CHD2: variants seen among roughly 807,000 people sequenced by gnomAD.
CHD2 encodes the protein ATP-dependent chromatin remodeler CHD2.
Under a neutral mutation model 243.9 loss-of-function variants are expected in CHD2, and 28 were observed. That is an observed-to-expected ratio of 0.11 (90% CI 0.09 to 0.16). CHD2 has a LOEUF of 0.16. Ranked by LOEUF, CHD2 falls within the 10% of genes least tolerant of loss-of-function variation. The pLI is 1.00. For synonymous variants in CHD2, 775 were observed against 779.0 expected (o/e 0.99, Z 0.09); for missense variants, 1,386 against 2,209.8 (o/e 0.63, Z 7.47).
At chr15:92,981,172 A>G (rs1428378779) in intron 23 of CHD2, among the ~76,000 whole-genome samples, 193 bp from the exon 24 acceptor site, 3 of 152,002 alleles carry the variant, frequency 2.0e-5, no homozygotes, top group Non-Finnish European at 4.4e-5. Flanking sequence ...TCACCTTGTC[A>G]TTTGTATAAA....
intron 25 of CHD2, among the ~76,000 whole-genome samples, chr15:92,984,987 G>A (rs2054023611): frequency 6.6e-6 from 1 of 152,164 alleles, no homozygotes. Flanking sequence ...ATTGAAATAG[G>A]TAGAACAAGT....
At chr15:92,965,633 A>G (rs2053751953) in intron 16 of CHD2, among the ~76,000 whole-genome samples, 1 of 149,046 alleles carries the variant, frequency 6.7e-6, no homozygotes, top group Admixed American at 6.7e-5. Context: ...TTTGGTTCAT[A>G]GCCCACACAG....
At chr15:93,009,043 G>T in intron 34 of CHD2, 102 bp from the exon 35 acceptor site, 1 of 1,266,198 alleles carries the variant, frequency 7.9e-7, no homozygotes, top group Non-Finnish European at 1.1e-6. Context: ...GCAATTATAT[G>T]GCATAGGGGT....
intron 2 of CHD2, chr15:92,902,273 GTAA>G (rs1042913932): frequency 2.5e-6 from 1 of 397,550 alleles, no homozygotes; most frequent in Non-Finnish European, 4.4e-6. Context: ...TAGTGATGAA[GTAA>G]TAAAGCCTCT....
At chr15:93,024,130 G>A (rs1323378897) in intron 38 of CHD2, among the ~76,000 whole-genome samples, 1 of 148,352 alleles carries the variant, frequency 6.7e-6, no homozygotes, top group Non-Finnish European at 1.5e-5. Flanking sequence ...GAGTGAGTTT[G>A]CAAAAGCCAT....
rs2053324517 is a variant in CHD2, at chr15:92,939,597, G to T, written c.571G>T (p.Val191Phe). 2 of 1,613,992 alleles carry T rather than the reference G, an allele frequency of 1.2e-6. No homozygotes were observed. The highest frequency in any genetic ancestry group is 1.1e-5 in the South Asian group (1 of 91,056). The change falls in exon 7 of 39, where the codon GTT (valine) becomes TTT (phenylalanine). Residue 191 changes from valine to phenylalanine, a missense_variant. Val to Phe is a conservative substitution (Grantham distance 50, BLOSUM62 -1). Transcript: ENST00000394196. ...TTTTAGAACAGTGCCCAAACCTCGT[G>T]TTAAAAAGCAGCCGAAGACTCAGCG... ...VPRRTVPKPR[V>F]KKQPKTQRGK...
rs542765917 is a variant in CHD2, at chr15:92,930,133, C to G, written c.443+1042C>G. 3.3e-4 allele frequency among the ~76,000 whole-genome samples: 50 copies of G among 152,250 alleles called. 1 individual carries two copies. Among genetic ancestry groups the G allele is most frequent in the Admixed American group, 2.7e-3 (42 of 15,296 alleles). ...CATCTTAGAAGGCTTTTGTTCTGCCCCAGTCTCCTGGTCTGCTTGGGAGAC... is the reference window on the plus strand; with the variant it reads ...CATCTTAGAAGGCTTTTGTTCTGCCGCAGTCTCCTGGTCTGCTTGGGAGAC... On this transcript the variant is annotated intron_variant, in intron 5 of 38. Transcript: ENST00000394196.
intron 38 of CHD2, 134 bp from the exon 39 acceptor site, chr15:93,024,237 AT>A: frequency 1.8e-5 from 14 of 761,098 alleles, no homozygotes; most frequent in Non-Finnish European, 2.1e-5. Context: ...TCTGTTATTA[AT>A]TTTTTTGATT....
intron 28 of CHD2, among the ~76,000 whole-genome samples, chr15:92,994,576 C>A (rs1222924049): frequency 1.3e-5 from 2 of 152,182 alleles, no homozygotes; most frequent in South Asian, 2.1e-4. Context: ...TCAGAATACA[C>A]CCAAAAGTAA....
At chr15:92,985,845 G>A (rs552659001) in intron 26 of CHD2, among the ~76,000 whole-genome samples, 172 bp downstream of exon 26, 5 of 152,194 alleles carry the variant, frequency 3.3e-5, no homozygotes, top group Admixed American at 3.3e-4. Context: ...CTTCTCCAAG[G>A]TTTCTTTCTG....
At chr15:92,988,733 T>C (rs932337810) in intron 26 of CHD2, among the ~76,000 whole-genome samples, 1 of 152,162 alleles carries the variant, frequency 6.6e-6, no homozygotes, top group African/African-American at 2.4e-5. Flanking sequence ...CAGGCTAATA[T>C]CTGCTGCTGA....
intron 24 of CHD2, among the ~76,000 whole-genome samples, chr15:92,983,198 T>C (rs1048253478): frequency 5.3e-5 from 8 of 152,138 alleles, no homozygotes; most frequent in South Asian, 2.1e-4. Flanking sequence ...AAACATTCAG[T>C]CCATTGCACT....
chr15:92,996,800 G>C (rs903872766), intron 28 of CHD2, among the ~76,000 whole-genome samples, 157 bp from the exon 29 acceptor site: 6 of 152,144 alleles, frequency 3.9e-5, no homozygotes, highest in African/African-American at 1.4e-4. Context: ...ACAGACATTA[G>C]TTGAGAAAAA....
chr15:92,954,497 ATACT>A (rs1322719742), intron 14 of CHD2, among the ~76,000 whole-genome samples: 1 of 152,208 alleles, frequency 6.6e-6, no homozygotes, highest in East Asian at 1.9e-4. Context: ...TTTTTGGTAA[ATACT>A]TTCATTAAAA....
intron 26 of CHD2, among the ~76,000 whole-genome samples, chr15:92,987,273 C>T (rs999062067): frequency 1.8e-4 from 28 of 151,950 alleles, no homozygotes; most frequent in Non-Finnish European, 4.4e-5. Context: ...ATAGCCACTC[C>T]AGCTTTCTTT....
intron 2 of CHD2, among the ~76,000 whole-genome samples, chr15:92,923,350 TC>T (rs1355734175): frequency 2.6e-5 from 4 of 152,022 alleles, no homozygotes; most frequent in Non-Finnish European, 5.9e-5. Context: ...ATCCTCGACT[TC>T]CTAGGCTCAA....
Position 93,000,589 on chromosome 15 carries a change from G to A in CHD2, c.4086G>A (p.Glu1362=). 6.2e-7 allele frequency: 1 copy of A among 1,613,874 alleles called. No individual in the cohort carries two copies. The highest frequency in any genetic ancestry group is 8.5e-7 in the Non-Finnish European group (1 of 1,179,814). The change falls in exon 32 of 39, where the codon GAG becomes GAA. Residue 1362 remains glutamate (E), a synonymous_variant. Transcript: ENST00000394196. ...VPRLKEEHGI[E]LSSPRHSDNP... ...GGCTGAAAGAGGAGCATGGAATTGA[G>A]CTTTCATCTCCTAGGCATTCAGATA... is the stretch of plus-strand genomic sequence containing the variant.
At chr15:92,911,856 T>C (rs1236048986) in intron 2 of CHD2, among the ~76,000 whole-genome samples, 4 of 152,226 alleles carry the variant, frequency 2.6e-5, no homozygotes, top group Non-Finnish European at 5.9e-5. Context: ...TTAAACACTT[T>C]GCATTTTAAA....
chr15:93,003,333 G>C (rs1361640058), intron 33 of CHD2, among the ~76,000 whole-genome samples: 1 of 151,104 alleles, frequency 6.6e-6, no homozygotes, highest in African/African-American at 2.4e-5. Flanking sequence ...GGAGGATTCT[G>C]TTTGGGTGTA....
Sources: allele counts gnomAD v4.1 joint callset (sites outside exome capture counted in the v4.1 genomes callset), GRCh38; gene constraint gnomAD v4.1.1; transcripts MANE v1.5; gene names NCBI Gene and HGNC (gene_info 2026-07-23, HGNC 2026-07-21).